The following PPP6R2 variants were observed in gnomAD, a reference collection of about 807,000 sequenced individuals.
PPP6R2 encodes protein phosphatase 6 regulatory subunit 2, also known as serine/threonine-protein phosphatase 6 regulatory subunit 2.
A neutral mutation model predicts 100.2 loss-of-function variants in PPP6R2; 62 were observed. That is an observed-to-expected ratio of 0.62 (90% CI 0.50 to 0.76). PPP6R2 has a LOEUF of 0.76. Among genes scored for constraint, PPP6R2 ranks in the 30% least tolerant of loss-of-function variants. PPP6R2 has a pLI of 0.00. For missense variants in PPP6R2, 1,142 were observed against 1,276.3 expected, an observed-to-expected ratio of 0.89 and a Z score of 1.60; for synonymous variants, 525 against 514.7, an observed-to-expected ratio of 1.02 and a Z score of -0.27.
intron 10 of PPP6R2, among the ~76,000 whole-genome samples, chr22:50,424,665 GTCTC>G (rs2061839603): frequency 9.4e-6 from 1 of 106,074 alleles, no homozygotes; most frequent in Admixed American, 1.4e-4. Flanking sequence ...TTGAGATGGA[GTCTC>G]TCTCTGTCGC....
chr22:50,364,586 T>G (rs2048382502), intron 1 of PPP6R2, among the ~76,000 whole-genome samples: 1 of 152,162 alleles, frequency 6.6e-6, no homozygotes, highest in Non-Finnish European at 1.5e-5. Flanking sequence ...CTCTGAAAGA[T>G]ATAAACAGTC....
intron 3 of PPP6R2, among the ~76,000 whole-genome samples, chr22:50,402,967 C>T (rs931627457): frequency 6.6e-6 from 1 of 152,156 alleles, no homozygotes; most frequent in African/African-American, 2.4e-5. Context: ...AATCCCAGCA[C>T]TTTGGGAGGC....
upstream of PPP6R2, among the ~76,000 whole-genome samples, chr22:50,338,677 T>TGTG (rs2042331428): frequency 6.3e-5 from 9 of 143,272 alleles, no homozygotes; most frequent in South Asian, 1.4e-3. Context: ...GTGGTGTGTG[T>TGTG]GTAGTATGTG....
chr22:50,337,196 CTG>C, the PPP6R2 span, among the ~76,000 whole-genome samples: 1 of 77,914 alleles, frequency 1.3e-5, no homozygotes, highest in South Asian at 5.8e-4. Flanking sequence ...TGCGTGTGTG[CTG>C]TGTGGGTATA....
rs780856719 is a variant in PPP6R2, at chr22:50,394,130, C to A, written c.222C>A (p.Arg74=). The change falls in exon 3 of 24, where the codon CGC becomes CGA. Residue 74 remains arginine (R), a synonymous_variant. Coordinates refer to ENST00000612753, the MANE Select transcript of PPP6R2 (RefSeq NM_001242898.2). ...CCCTGGACATGGAGGAGAAGGTCCG[C>A]TTCAAGTATGTACCAAAGCTGTGAC... is the stretch of plus-strand genomic sequence containing the variant. ...DPPLDMEEKV[R]FKYPNTACEL... 1.2e-6 allele frequency: 2 copies of A among 1,613,878 alleles called. No individual in the cohort carries two copies. Among genetic ancestry groups the A allele is most frequent in the South Asian group, 2.2e-5 (2 of 91,078 alleles).
At chr22:50,390,772 G>A (rs551600304) in intron 2 of PPP6R2, among the ~76,000 whole-genome samples, 5 of 152,194 alleles carry the variant, frequency 3.3e-5, no homozygotes, top group South Asian at 2.1e-4. Context: ...AGGCCGAGGC[G>A]GACAGATCAC....
chr22:50,423,754 G>A lies in PPP6R2; in HGVS notation c.1125+140G>A. ...GGAGGTTCCAGTCCCAAGTCCCAAGGCTGGACTACAGGTCTCTGGCGGGGC... is the reference window on the plus strand; with the variant it reads ...GGAGGTTCCAGTCCCAAGTCCCAAGACTGGACTACAGGTCTCTGGCGGGGC... On this transcript the variant is annotated intron_variant, in intron 10 of 23. Coordinates refer to ENST00000612753, the MANE Select transcript of PPP6R2 (RefSeq NM_001242898.2). The surrounding 1 kb of genome is among the most constrained non-coding windows in gnomAD (Gnocchi z 4.8). The A allele has an allele frequency of 9.2e-7, 1 of 1,090,920 alleles. No homozygotes were observed. Among genetic ancestry groups the A allele is most frequent in the African/African-American group, 1.6e-5 (1 of 64,026 alleles). 67.6% of individuals were successfully genotyped at this position (1,090,920 alleles called of 1,614,324 possible). A position where few individuals can be genotyped will look rare whatever the true frequency, so the allele number is the denominator to read the frequency against.
At position 50,372,378 on chromosome 22, in the gene PPP6R2, G is replaced by A. The variant is rs565711341; in HGVS notation, c.-17+228G>A. On this transcript the variant is annotated intron_variant, in intron 2 of 23. Transcript: ENST00000612753. ...CAGCCTGACCAACATGATGAAACCC[G>A]TCTCTACTGAAAATACAAAAATTAG... Among the ~76,000 whole-genome samples, 5 of 152,054 alleles carry A rather than the reference G, an allele frequency of 3.3e-5. No individual in the cohort carries two copies. In the East Asian group the frequency reaches 5.9e-4, roughly 18 times the overall value.
intron 1 of PPP6R2, among the ~76,000 whole-genome samples, chr22:50,368,149 C>T (rs2148451119): frequency 6.6e-6 from 1 of 152,370 alleles, no homozygotes; most frequent in South Asian, 2.1e-4. Flanking sequence ...CAGGGCGAAA[C>T]ATGAAAATGG....
rs2060480843 is a variant in PPP6R2 at position 50,416,028 on chromosome 22, A to G, written c.553-64A>G. ...CGGGTGCAGTGCTGCACCAAAGGGG[A>G]AAGGTTCCTGTTGTTTACTTAGACT... On this transcript the variant is annotated intron_variant, in intron 5 of 23. Transcript: ENST00000612753. 1.3e-5 allele frequency: 19 copies of G among 1,463,950 alleles called. No individual in the cohort carries two copies. The East Asian group carries it at 4.1e-4, about 32-fold the overall frequency. The allele number at this position is 1,463,950 out of a possible 1,614,324, so 90.7% of individuals were successfully genotyped here. A position where few individuals can be genotyped will look rare whatever the true frequency, so the allele number is the denominator to read the frequency against.
chr22:50,405,904 AG>A (rs2058831171), intron 3 of PPP6R2, among the ~76,000 whole-genome samples: 1 of 65,946 alleles, frequency 1.5e-5, no homozygotes, highest in Non-Finnish European at 3.1e-5. Flanking sequence ...GAGGCCTGGC[AG>A]GCGAGTGTGA....
At chr22:50,370,349 G>A (rs190847125) in intron 1 of PPP6R2, among the ~76,000 whole-genome samples, 67 of 152,216 alleles carry the variant, frequency 4.4e-4, no homozygotes, top group African/African-American at 1.5e-3. Context: ...GTGCAATGGC[G>A]CGATCTCGGC....
chr22:50,369,609 G>T (rs142258178), intron 1 of PPP6R2, among the ~76,000 whole-genome samples: 1 of 152,044 alleles, frequency 6.6e-6, no homozygotes, highest in South Asian at 2.1e-4. Flanking sequence ...TGCCTCCAGG[G>T]TTCAAGCAAT....
Position 50,346,741 on chromosome 22 carries a change from A to G in PPP6R2, c.-148+3191A>G, listed in dbSNP as rs566973186. Among the ~76,000 whole-genome samples, 6 of 144,634 alleles carry G rather than the reference A, an allele frequency of 4.1e-5. No homozygotes were observed. In the South Asian group the frequency reaches 1.1e-3, roughly 27 times the overall value. The allele number at this position is 144,634 out of a possible 152,430, so 94.9% of individuals were successfully genotyped here. ...CTGGTCAGTGCCTCCACTGTTGGTCAGTGCTCCCCCACCGTCAGTCCACTC... is the reference window on the plus strand; with the variant it reads ...CTGGTCAGTGCCTCCACTGTTGGTCGGTGCTCCCCCACCGTCAGTCCACTC... On this transcript the variant is annotated intron_variant, in intron 1 of 23. Coordinates refer to ENST00000612753, the MANE Select transcript of PPP6R2 (RefSeq NM_001242898.2).
intron 3 of PPP6R2, among the ~76,000 whole-genome samples, chr22:50,396,568 A>AT (rs1330179963): frequency 2.0e-5 from 3 of 152,166 alleles, no homozygotes; most frequent in Admixed American, 6.5e-5. Flanking sequence ...ACGTTTCAGT[A>AT]TCCACCAATA....
At chr22:50,385,290 G>A (rs2053972981) in intron 2 of PPP6R2, among the ~76,000 whole-genome samples, 1 of 152,034 alleles carries the variant, frequency 6.6e-6, no homozygotes, top group African/African-American at 2.4e-5. Context: ...CTGCCTCCCA[G>A]GTTCAAGCGA....
rs187900441 is a variant in PPP6R2, at chr22:50,393,944, T to C, written c.36T>C (p.His12=). Residue 12 remains histidine (H), a synonymous_variant, in exon 3 of 24, where the codon CAT becomes CAC. Transcript: ENST00000612753. ...FWKFDLNTTS[H]VDKLLDKEHV... is the part of the protein sequence containing the mutation. ...AGTTTGACTTGAACACCACGTCCCA[T>C]GTTGACAAGCTGCTGGACAAGGAGC... is the stretch of plus-strand genomic sequence containing the variant. The C allele has an allele frequency of 3.8e-5, 61 of 1,614,188 alleles. No homozygotes were observed. Among genetic ancestry groups the C allele is most frequent in the Admixed American group, 2.3e-4 (14 of 60,006 alleles).
intron 1 of PPP6R2, among the ~76,000 whole-genome samples, chr22:50,360,289 G>T (rs948604252): frequency 1.7e-4 from 25 of 151,052 alleles, no homozygotes; most frequent in Non-Finnish European, 1.3e-4. Context: ...TTGACCTCAT[G>T]ATCTGCCTGC....
chr22:50,426,198 C>T (rs971911563), intron 10 of PPP6R2, among the ~76,000 whole-genome samples: 9 of 152,162 alleles, frequency 5.9e-5, no homozygotes, highest in African/African-American at 1.7e-4. Flanking sequence ...AGTGATGCTC[C>T]GGCCGTGGCC....
Sources: allele counts gnomAD v4.1 joint callset (sites outside exome capture counted in the v4.1 genomes callset), GRCh38; gene constraint gnomAD v4.1.1; non-coding constraint Gnocchi (gnomAD v3.1); transcripts MANE v1.5; gene names NCBI Gene and HGNC (gene_info 2026-07-23, HGNC 2026-07-21).